Variants in PCP4 observed in about 807,000 individuals in gnomAD.
The protein encoded by PCP4 is calmodulin regulator protein PCP4.
In PCP4, 8 loss-of-function variants were observed where a neutral mutation model predicts 10.0. The ratio of observed to expected loss-of-function variants is 0.80; its 90% CI spans 0.47 to 1.45. The LOEUF (loss-of-function observed/expected upper bound fraction) is 1.45, where lower values mean the gene tolerates loss of function less well. Ranked by LOEUF, PCP4 falls within the 40% of genes most tolerant of loss-of-function variation. The pLI, the probability that PCP4 is intolerant of heterozygous loss-of-function variation, is 0.00. For synonymous variants in PCP4, 21 were observed against 23.0 expected (o/e 0.91, Z 0.24); for missense variants, 54 against 74.4 (o/e 0.73, Z 1.01).
rs142289513 is a variant in PCP4, at chr21:39,887,112, C to T, written c.10-11364C>T. Among the ~76,000 whole-genome samples the T allele has an allele frequency of 1.3e-3, 192 of 152,078 alleles. 1 individual carries two copies. Among genetic ancestry groups the T allele is most frequent in the African/African-American group, 4.4e-3 (181 of 41,484 alleles). ...ATTCCAATAAAATAAATCGTGGATA[C>T]CTGAAAATGATGGTACGTTTATAAA... On this transcript the variant is annotated intron_variant, in intron 1 of 2. Coordinates refer to ENST00000328619, the MANE Select transcript of PCP4 (RefSeq NM_006198.3).
chr21:39,917,430 A>ATTC (rs1418420176), intron 2 of PCP4, among the ~76,000 whole-genome samples: 3 of 152,100 alleles, frequency 2.0e-5, no homozygotes, highest in Non-Finnish European at 4.4e-5. Context: ...CACCCCTGAG[A>ATTC]CATCGGGGAA....
At chr21:39,909,138 GA>G (rs2087527348) in intron 2 of PCP4, among the ~76,000 whole-genome samples, 1 of 152,162 alleles carries the variant, frequency 6.6e-6, no homozygotes, top group Admixed American at 6.5e-5. Context: ...TGAGATCATT[GA>G]ATTTAAAATG....
At chr21:39,904,805 T>G (rs969003483) in intron 2 of PCP4, among the ~76,000 whole-genome samples, 1 of 152,086 alleles carries the variant, frequency 6.6e-6, no homozygotes, top group Non-Finnish European at 1.5e-5. Context: ...AGGTGAAGCT[T>G]GAGTCCACAC....
At chr21:39,877,021 T>C (rs752908681) in intron 1 of PCP4, among the ~76,000 whole-genome samples, 1 of 152,254 alleles carries the variant, frequency 6.6e-6, no homozygotes, top group Non-Finnish European at 1.5e-5. Context: ...AATAGGGGAC[T>C]GAGTGTCCAA....
chr21:39,894,968 C>T (rs1294227948), intron 1 of PCP4, among the ~76,000 whole-genome samples: 1 of 152,168 alleles, frequency 6.6e-6, no homozygotes, highest in South Asian at 2.1e-4. Flanking sequence ...GACCTACCTC[C>T]GTCTGTCTGT....
intron 1 of PCP4, among the ~76,000 whole-genome samples, chr21:39,874,758 T>A (rs1408403834): frequency 6.6e-6 from 1 of 152,026 alleles, no homozygotes; most frequent in African/African-American, 2.4e-5. Context: ...TTACACCTGC[T>A]TTAAAATTTA....
intron 2 of PCP4, among the ~76,000 whole-genome samples, chr21:39,900,902 A>C (rs1033792889): frequency 1.3e-4 from 2 of 15,340 alleles, no homozygotes; most frequent in African/African-American, 5.4e-4. Flanking sequence ...TAAAATGGAG[A>C]AAGTTTTAAA....
chr21:39,918,507 AT>A (rs2087579790), intron 2 of PCP4, among the ~76,000 whole-genome samples: 2 of 152,228 alleles, frequency 1.3e-5, no homozygotes, highest in Admixed American at 1.3e-4. Context: ...GAATACTTCT[AT>A]TTTAGGACAA....
At chr21:39,868,758 T>TTG (rs1447189999) in intron 1 of PCP4, among the ~76,000 whole-genome samples, 3 of 152,086 alleles carry the variant, frequency 2.0e-5, no homozygotes, top group East Asian at 3.9e-4. Context: ...AACTAAGTGG[T>TTG]TTGAGGTCAC....
chr21:39,869,783 G>A (rs748956725), intron 1 of PCP4, among the ~76,000 whole-genome samples: 1 of 152,210 alleles, frequency 6.6e-6, no homozygotes, highest in Non-Finnish European at 1.5e-5. Flanking sequence ...CCCTCAAGGG[G>A]TTTCTTTGGT....
rs2299746 is a variant in PCP4, at chr21:39,879,029, G to C, written c.9+11519G>C. Among the ~76,000 whole-genome samples, 33 of 132,056 alleles carry C rather than the reference G, an allele frequency of 2.5e-4. 1 individual carries two copies. The East Asian group carries it at 4.9e-3, about 19-fold the overall frequency. The allele number at this position is 132,056 out of a possible 152,430, so 86.6% of individuals were successfully genotyped here. ...TTTGAGACTGAATTTTACTCTTTTT[G>C]CCCAGGGTGGAGTGCAATGGCGCTA... On this transcript the variant is annotated intron_variant, in intron 1 of 2. Coordinates refer to ENST00000328619, the MANE Select transcript of PCP4 (RefSeq NM_006198.3).
chr21:39,891,685 G>T (rs1165710872), intron 1 of PCP4, among the ~76,000 whole-genome samples: 2 of 152,244 alleles, frequency 1.3e-5, no homozygotes. Context: ...AAGGGGGCAG[G>T]GTAAGGAGGG....
At chr21:39,867,624 C>T (rs1182102672) in intron 1 of PCP4, 114 bp downstream of exon 1, 2 of 1,000,882 alleles carry the variant, frequency 2.0e-6, no homozygotes, top group Admixed American at 1.7e-5. Flanking sequence ...CAAATTAATC[C>T]TGTAATTATT....
chr21:39,882,728 G>C (rs1050573354), intron 1 of PCP4, among the ~76,000 whole-genome samples: 2 of 152,172 alleles, frequency 1.3e-5, no homozygotes, highest in African/African-American at 4.8e-5. Flanking sequence ...CTAATCGTCT[G>C]TGTAAGAAAG....
chr21:39,903,752 C>T (rs2087492330), intron 2 of PCP4, among the ~76,000 whole-genome samples: 1 of 151,572 alleles, frequency 6.6e-6, no homozygotes, highest in South Asian at 2.1e-4. Context: ...CCTGTAGTCC[C>T]AGCTACTCGG....
intron 2 of PCP4, chr21:39,926,091 C>A (rs891364183): frequency 1.8e-5 from 8 of 455,832 alleles, no homozygotes; most frequent in Non-Finnish European, 3.5e-5. Context: ...ACTGGCTCAG[C>A]GGAAGGAGCT....
chr21:39,902,722 A>G (rs1446167984), intron 2 of PCP4, among the ~76,000 whole-genome samples: 1 of 152,178 alleles, frequency 6.6e-6, no homozygotes, highest in African/African-American at 2.4e-5. Flanking sequence ...CAGAAATATT[A>G]GGGTTATAAT....
intron 2 of PCP4, among the ~76,000 whole-genome samples, chr21:39,904,956 T>C (rs1393391909): frequency 6.6e-6 from 1 of 152,198 alleles, no homozygotes; most frequent in Non-Finnish European, 1.5e-5. Context: ...TCAGAAAGGT[T>C]ATAACTTTCA....
At chr21:39,875,433 T>C (rs1259148441) in intron 1 of PCP4, among the ~76,000 whole-genome samples, 1 of 152,186 alleles carries the variant, frequency 6.6e-6, no homozygotes, top group African/African-American at 2.4e-5. Context: ...AGACGGGCGA[T>C]GGTGTGGAGC....
Sources: allele counts gnomAD v4.1 joint callset (sites outside exome capture counted in the v4.1 genomes callset), GRCh38; gene constraint gnomAD v4.1.1; transcripts MANE v1.5; gene names NCBI Gene and HGNC (gene_info 2026-07-23, HGNC 2026-07-21).